Variants in NXPE4 observed in about 807,000 individuals in gnomAD.
NXPE4 encodes the protein NXPE family member 4.
In NXPE4, 42 loss-of-function variants were observed where a neutral mutation model predicts 33.3. The observed-to-expected ratio is 1.26, with a 90% CI of 0.98 to 1.63. The LOEUF (loss-of-function observed/expected upper bound fraction) is 1.63, where lower values mean the gene tolerates loss of function less well. NXPE4 is among the 40% of genes most tolerant of loss of function. NXPE4 has a pLI of 0.00. For missense variants in NXPE4, 709 were observed against 647.6 expected (o/e 1.09, Z -1.03); for synonymous variants, 253 against 234.9 (o/e 1.08, Z -0.71).
intron 2 of NXPE4, among the ~76,000 whole-genome samples, chr11:114,591,959 C>T (rs1033004101): frequency 1.3e-5 from 2 of 152,158 alleles, no homozygotes; most frequent in Admixed American, 6.5e-5. Context: ...AGAAAAGACA[C>T]TTGATAACAT....
the NXPE4 span, among the ~76,000 whole-genome samples, chr11:114,664,420 A>G: frequency 1.3e-5 from 2 of 152,126 alleles, no homozygotes; most frequent in Non-Finnish European, 2.9e-5. Flanking sequence ...GGTGGTAGTT[A>G]CATTATCGTC....
At chr11:114,632,205 TTA>T in the NXPE4 span, among the ~76,000 whole-genome samples, 1 of 141,472 alleles carries the variant, frequency 7.1e-6, no homozygotes, top group East Asian at 2.0e-4. Flanking sequence ...TATATACATA[TTA>T]TATATGTATA....
the NXPE4 span, among the ~76,000 whole-genome samples, chr11:114,626,610 A>C: frequency 6.2e-4 from 94 of 152,232 alleles, no homozygotes; most frequent in Admixed American, 1.4e-3. Context: ...TAAAAAGCAG[A>C]GCGCCTCTCC....
the NXPE4 span, among the ~76,000 whole-genome samples, chr11:114,635,884 T>A: frequency 2.0e-5 from 3 of 152,124 alleles, no homozygotes; most frequent in Admixed American, 6.6e-5. Context: ...TTATCGAGAA[T>A]TTTTGCATCA....
At chr11:114,635,514 G>A in the NXPE4 span, among the ~76,000 whole-genome samples, 4 of 152,104 alleles carry the variant, frequency 2.6e-5, no homozygotes, top group East Asian at 7.7e-4. Flanking sequence ...GAATAGGAGT[G>A]GTGAGAGAGG....
the NXPE4 span, among the ~76,000 whole-genome samples, chr11:114,649,744 A>C: frequency 2.0e-5 from 3 of 152,304 alleles, no homozygotes; most frequent in African/African-American, 7.2e-5. Context: ...TGATGAATCC[A>C]ATTGCCTTTT....
intron 5 of NXPE4, 33 bp downstream of exon 5, chr11:114,580,098 AG>A: frequency 1.3e-6 from 2 of 1,525,776 alleles, no homozygotes; most frequent in Middle Eastern, 3.4e-4. Context: ...AGTTTCTGAA[AG>A]GGGTAAGAAT....
chr11:114,623,254 G>A, the NXPE4 span, among the ~76,000 whole-genome samples: 1 of 148,950 alleles, frequency 6.7e-6, no homozygotes, highest in Non-Finnish European at 1.5e-5. Context: ...TTCCCGGTGG[G>A]TAATACATAT....
At chr11:114,616,407 C>T in the NXPE4 span, among the ~76,000 whole-genome samples, 79 of 151,490 alleles carry the variant, frequency 5.2e-4, 1 homozygote, top group East Asian at 2.1e-3. Flanking sequence ...CGTGGGTAAC[C>T]GGTGTTACCT....
the NXPE4 span, among the ~76,000 whole-genome samples, chr11:114,649,132 T>C: frequency 3.7e-5 from 3 of 80,282 alleles, no homozygotes; most frequent in South Asian, 9.6e-4. Flanking sequence ...GCTTGTCATG[T>C]TTTTTTTTTT....
chr11:114,588,253 C>A (rs185964806), intron 2 of NXPE4, among the ~76,000 whole-genome samples: 111 of 152,284 alleles, frequency 7.3e-4, no homozygotes, highest in African/African-American at 2.6e-3. Flanking sequence ...CCCCACTCCC[C>A]TAGCTTCACT....
chr11:114,623,457 C>T, the NXPE4 span, among the ~76,000 whole-genome samples: 22 of 151,820 alleles, frequency 1.4e-4, no homozygotes, highest in East Asian at 5.8e-4. Context: ...CACTGTTATC[C>T]GGTGCATAAT....
At chr11:114,592,461 G>A (rs1184729170) in intron 2 of NXPE4, among the ~76,000 whole-genome samples, 3 of 151,850 alleles carry the variant, frequency 2.0e-5, no homozygotes, top group East Asian at 1.9e-4. Context: ...GATCTAAAGA[G>A]GTGAAAGATC....
the NXPE4 span, among the ~76,000 whole-genome samples, chr11:114,655,553 T>G: frequency 6.6e-6 from 1 of 152,190 alleles, no homozygotes; most frequent in Non-Finnish European, 1.5e-5. Context: ...GGCTAGCCAG[T>G]TTTCCCAGCA....
Position 114,585,549 on chromosome 11 carries a change from TAATA to T in NXPE4, c.97-2532_97-2529del, listed in dbSNP as rs1423901595. Among the ~76,000 whole-genome samples, 10 of 152,062 alleles carry T rather than the reference TAATA, an allele frequency of 6.6e-5. No homozygotes were observed. In the East Asian group the frequency reaches 1.9e-3, roughly 29 times the overall value. ...AGAGAAAAAGAAGGTCATTATGTAA[TAATA>T]AAGAGATCAATTCATCAAGAGAAAA... On this transcript the variant is annotated intron_variant, in intron 2 of 5. Coordinates refer to ENST00000375478, the MANE Select transcript of NXPE4 (RefSeq NM_001077639.2).
At chr11:114,607,096 C>T in the NXPE4 span, among the ~76,000 whole-genome samples, 284 of 151,938 alleles carry the variant, frequency 1.9e-3, 3 homozygotes, top group African/African-American at 5.4e-3. Context: ...AGTATTGCCT[C>T]GTGAGTAACC....
the NXPE4 span, among the ~76,000 whole-genome samples, chr11:114,655,998 G>T: frequency 1.3e-5 from 2 of 152,136 alleles, no homozygotes; most frequent in Non-Finnish European, 2.9e-5. Context: ...GTCTCTCTTT[G>T]CAGATGACAT....
intron 2 of NXPE4, 111 bp from the exon 3 acceptor site, chr11:114,583,132 C>T (rs1949195733): frequency 1.6e-6 from 2 of 1,212,228 alleles, no homozygotes; most frequent in Admixed American, 4.6e-5. Context: ...GTCATTTTTA[C>T]TTATTGTGAT....
upstream of NXPE4, among the ~76,000 whole-genome samples, chr11:114,599,391 C>G (rs187078704): frequency 4.3e-3 from 653 of 152,272 alleles, 8 homozygotes; most frequent in Non-Finnish European, 6.0e-3. Context: ...CTCTTATATT[C>G]TTGTCTTCTT....
Sources: gnomAD v4.1 joint callset for allele counts (sites outside exome capture counted in the v4.1 genomes callset) on GRCh38, gnomAD v4.1.1 for gene constraint, MANE v1.5 for transcripts, NCBI Gene and HGNC (gene_info 2026-07-23, HGNC 2026-07-21) for gene names.